The following LEPROTL1 variants were observed in gnomAD, a reference collection of about 807,000 sequenced individuals.
LEPROTL1 encodes the protein leptin receptor overlapping transcript like 1.
Under a neutral mutation model 15.4 loss-of-function variants are expected in LEPROTL1, and 6 were observed. The observed-to-expected ratio is 0.39, with a 90% CI of 0.21 to 0.77. The LOEUF (loss-of-function observed/expected upper bound fraction) is 0.77. LEPROTL1 is among the 30% of genes least tolerant of loss of function. The pLI is 0.41. For synonymous variants in LEPROTL1, 56 were observed against 52.6 expected (o/e 1.06, Z -0.28); for missense variants, 128 against 158.1 (o/e 0.81, Z 1.02).
In LEPROTL1 at chr8:30,108,055, T is replaced by A; in HGVS notation, c.*2193T>A. The A allele has an allele frequency of 1.1e-6, 1 of 873,706 alleles. No individual in the cohort carries two copies. Among genetic ancestry groups the A allele is most frequent in the Non-Finnish European group, 1.4e-6 (1 of 728,386 alleles). The allele number at this position is 873,706 out of a possible 1,614,324, so 54.1% of individuals were successfully genotyped here. A position where few individuals can be genotyped will look rare whatever the true frequency, so the allele number is the denominator to read the frequency against. Reference sequence around the variant, plus strand: ...CTTTTGATGATGAAACAATAAAGATTTTAAATATCTATTTTAGTTTGTGGG... The same window carrying A: ...CTTTTGATGATGAAACAATAAAGATATTAAATATCTATTTTAGTTTGTGGG... On this transcript the variant is annotated 3_prime_UTR_variant, in exon 4 of 4. Coordinates refer to ENST00000321250, the MANE Select transcript of LEPROTL1 (RefSeq NM_015344.3).
intron 3 of LEPROTL1, among the ~76,000 whole-genome samples, chr8:30,114,808 A>G (rs1802710820): frequency 6.6e-6 from 1 of 152,180 alleles, no homozygotes; most frequent in Non-Finnish European, 1.5e-5. Flanking sequence ...AACCTGGGCT[A>G]TCAGTAGCAT....
intron 3 of LEPROTL1, chr8:30,117,259 A>G (rs1052365839): frequency 3.4e-6 from 2 of 594,452 alleles, no homozygotes; most frequent in South Asian, 4.0e-5. Flanking sequence ...AGGTGGAGGC[A>G]GGAGGATCAC....
Position 30,104,388 on chromosome 8 carries a change from G to A in LEPROTL1, c.181G>A (p.Ala61Thr), listed in dbSNP as rs1260677992. Residue 61 changes from alanine to threonine, a missense_variant, in exon 3 of 4, where the codon GCT (alanine) becomes ACT (threonine). Physicochemically the swap from Ala to Thr is moderately conservative, Grantham distance 58 (BLOSUM62 0). Coordinates refer to ENST00000321250, the MANE Select transcript of LEPROTL1 (RefSeq NM_015344.3). ...IARRLVDDTD[A>T]MSNACKELAI... ...AAGAAGATTAGTGGATGATACAGAT[G>A]CTATGAGTAACGCTTGTAAGGAACT... 3 of 1,612,430 alleles carry A rather than the reference G, an allele frequency of 1.9e-6. No homozygotes were observed. Among genetic ancestry groups the A allele is most frequent in the Non-Finnish European group, 2.5e-6 (3 of 1,179,046 alleles).
At chr8:30,127,282 A>G (rs1802918300) in intron 3 of LEPROTL1, among the ~76,000 whole-genome samples, 1 of 152,204 alleles carries the variant, frequency 6.6e-6, no homozygotes, top group African/African-American at 2.4e-5. Flanking sequence ...TTAATCACCA[A>G]ACTCTCAGAC....
intron 1 of LEPROTL1, among the ~76,000 whole-genome samples, chr8:30,098,442 G>T (rs1443021997): frequency 6.6e-6 from 1 of 152,166 alleles, no homozygotes; most frequent in East Asian, 1.9e-4. Context: ...GAGAATGTTG[G>T]CTTTAGTATA....
At position 30,095,438 on chromosome 8, in the gene LEPROTL1, C is replaced by G. The variant is rs991970445; in HGVS notation, c.-75C>G. 2.1e-6 allele frequency: 3 copies of G among 1,418,786 alleles called. No homozygotes were observed. The highest frequency in any genetic ancestry group is 1.5e-5 in the African/African-American group (1 of 66,878). 87.9% of individuals were successfully genotyped at this position (1,418,786 alleles called of 1,614,324 possible). On this transcript the variant is annotated 5_prime_UTR_variant, in exon 1 of 4. Coordinates refer to ENST00000321250, the MANE Select transcript of LEPROTL1 (RefSeq NM_015344.3). ...TCCGGGTGTTGTCTGGCCGCCGTAG[C>G]GCGTCTTGGGTCTCCCGGCTGCCGC...
At chr8:30,099,655 T>A (rs2117476199) in intron 1 of LEPROTL1, among the ~76,000 whole-genome samples, 1 of 147,516 alleles carries the variant, frequency 6.8e-6, no homozygotes, top group African/African-American at 2.5e-5. Context: ...CTGGTTGAGC[T>A]GAGATCTGAA....
downstream of LEPROTL1, among the ~76,000 whole-genome samples, chr8:30,111,988 G>T (rs13263107): frequency 0.74 from 111,882 of 152,014 alleles, 43,491 homozygotes; most frequent in South Asian, 0.86. Context: ...AAGCAGGTTT[G>T]CTGATGAGTT....
chr8:30,112,755 C>G (rs1244502048), downstream of LEPROTL1, among the ~76,000 whole-genome samples: 1 of 151,844 alleles, frequency 6.6e-6, no homozygotes, highest in Non-Finnish European at 1.5e-5. Flanking sequence ...TAGTATCTAC[C>G]TCATAAAGTG....
intron 4 of LEPROTL1, chr8:30,133,030 G>T: frequency 1.3e-6 from 1 of 790,980 alleles, no homozygotes; most frequent in Non-Finnish European, 1.9e-6. Flanking sequence ...TTAATCTCAT[G>T]GCCTGCAGGA....
At chr8:30,132,286 C>T in intron 3 of LEPROTL1, 1 of 1,551,794 alleles carries the variant, frequency 6.4e-7, no homozygotes, top group Non-Finnish European at 8.7e-7. Flanking sequence ...CCAAGCCCTG[C>T]TGTGCTGGAA....
intron 1 of LEPROTL1, among the ~76,000 whole-genome samples, chr8:30,098,715 C>T (rs1398921205): frequency 6.6e-6 from 1 of 152,132 alleles, no homozygotes. Flanking sequence ...GGCCTTGGAC[C>T]CTCCAGAGTC....
intron 3 of LEPROTL1, among the ~76,000 whole-genome samples, chr8:30,114,982 G>A (rs1351052036): frequency 6.6e-6 from 1 of 152,186 alleles, no homozygotes; most frequent in East Asian, 1.9e-4. Context: ...ACGCCAGCAA[G>A]ACAGTTGACC....
chr8:30,131,794 A>G, intron 3 of LEPROTL1: 1 of 895,334 alleles, frequency 1.1e-6, no homozygotes, highest in East Asian at 2.7e-5. Context: ...AGATACACAA[A>G]TTCCTACTGC....
At chr8:30,103,405 T>G (rs1160890020) in intron 2 of LEPROTL1, among the ~76,000 whole-genome samples, 1 of 152,212 alleles carries the variant, frequency 6.6e-6, no homozygotes, top group African/African-American at 2.4e-5. Flanking sequence ...TTGAATTATT[T>G]TTCTTAAGCA....
intron 3 of LEPROTL1, among the ~76,000 whole-genome samples, chr8:30,129,751 A>ACG (rs1458349129): frequency 2.0e-5 from 3 of 150,842 alleles, no homozygotes; most frequent in African/African-American, 7.3e-5. Context: ...ACACACACAC[A>ACG]CACACAAAGA....
rs145778626 is a variant in LEPROTL1 at position 30,102,351 on chromosome 8, T to C, written c.92+378T>C. 1.8e-3 allele frequency among the ~76,000 whole-genome samples: 275 copies of C among 150,836 alleles called. 1 individual carries two copies. The highest frequency in any genetic ancestry group is 6.0e-3 in the African/African-American group (245 of 41,126). ...ACACAATTAAAAAAAAAGAGAGAGA[T>C]GTAAACAATTACTTTCCGGCCGGGT... On this transcript the variant is annotated intron_variant, in intron 2 of 3. Transcript: ENST00000321250.
At position 30,136,730 on chromosome 8, in the gene LEPROTL1, C is replaced by CTTTTTT. The variant is rs11390350; in HGVS notation, c.395-531_395-526dup. ...GGTGAAAATAGTCTCTCCCCCCGAA[C>CTTTTTT]TTTTTTTTTTTTTTTTGAGACAGTG... On this transcript the variant is annotated intron_variant, in intron 4 of 4. Coordinates refer to the LEPROTL1 transcript ENST00000442880. Among the ~76,000 whole-genome samples, 2 of 143,788 alleles carry CTTTTTT rather than the reference C, an allele frequency of 1.4e-5. 1 individual carries two copies. The allele number at this position is 143,788 out of a possible 152,430, so 94.3% of individuals were successfully genotyped here.
downstream of LEPROTL1, among the ~76,000 whole-genome samples, chr8:30,111,513 T>C (rs11984896): frequency 0.74 from 112,220 of 152,106 alleles, 43,646 homozygotes; most frequent in South Asian, 0.86. Flanking sequence ...GAGGTAGTTA[T>C]GCTGAAATTC....
Sources: gnomAD v4.1 joint callset for allele counts (sites outside exome capture counted in the v4.1 genomes callset) on GRCh38, gnomAD v4.1.1 for gene constraint, MANE v1.5 for transcripts, NCBI Gene and HGNC (gene_info 2026-07-23, HGNC 2026-07-21) for gene names.